FERRY3: variants seen among roughly 807,000 people sequenced by gnomAD.
The protein encoded by FERRY3 is protein C12orf4.
the FERRY3 span, among the ~76,000 whole-genome samples, chr12:4,523,583 G>T: frequency 1.3e-5 from 2 of 152,158 alleles, no homozygotes; most frequent in African/African-American, 2.4e-5. Flanking sequence ...TGATAGACTG[G>T]ATTAAGAAAA....
the FERRY3 span, among the ~76,000 whole-genome samples, chr12:4,504,960 C>G: frequency 6.6e-6 from 1 of 152,104 alleles, no homozygotes; most frequent in Non-Finnish European, 1.5e-5. Flanking sequence ...AAAAAAGTAG[C>G]CGGGTACGGT....
the FERRY3 span, among the ~76,000 whole-genome samples, chr12:4,505,829 G>A: frequency 0.019 from 2,890 of 152,232 alleles, 29 homozygotes; most frequent in Non-Finnish European, 0.026. Context: ...TTTATTTTTA[G>A]AATCTGAGTC....
the FERRY3 span, chr12:4,524,956 C>T: frequency 1.4e-5 from 3 of 210,482 alleles, no homozygotes; most frequent in Non-Finnish European, 1.9e-5. Context: ...GGCATTCAAC[C>T]AATGTTTACT....
chr12:4,531,138 C>G, the FERRY3 span, among the ~76,000 whole-genome samples: 1 of 152,188 alleles, frequency 6.6e-6, no homozygotes, highest in African/African-American at 2.4e-5. Context: ...AATTTGTTCT[C>G]TTTCACTTCA....
chr12:4,504,001 T>C, the FERRY3 span, among the ~76,000 whole-genome samples: 2 of 152,206 alleles, frequency 1.3e-5, no homozygotes, highest in Admixed American at 1.3e-4. Flanking sequence ...AAGGTATTTT[T>C]AGATGAAGAG....
chr12:4,530,275 G>A, the FERRY3 span, among the ~76,000 whole-genome samples: 5 of 152,136 alleles, frequency 3.3e-5, no homozygotes, highest in African/African-American at 7.2e-5. Flanking sequence ...TAAGTTACCC[G>A]GAAGCAGAAA....
chr12:4,510,773 A>G, the FERRY3 span, among the ~76,000 whole-genome samples: 16 of 146,238 alleles, frequency 1.1e-4, no homozygotes, highest in South Asian at 8.7e-4. Flanking sequence ...AACAACCGGT[A>G]CCAGCCGCTG....
chr12:4,493,430 C>G, the FERRY3 span, among the ~76,000 whole-genome samples: 1 of 152,188 alleles, frequency 6.6e-6, no homozygotes, highest in Non-Finnish European at 1.5e-5. Flanking sequence ...GTGACTTTCT[C>G]TGTAGCCAGA....
At chr12:4,510,153 A>T in the FERRY3 span, among the ~76,000 whole-genome samples, 1 of 139,038 alleles carries the variant, frequency 7.2e-6, no homozygotes, top group East Asian at 2.0e-4. Flanking sequence ...CAGCAATGGA[A>T]GATGAAATGA....
the FERRY3 span, among the ~76,000 whole-genome samples, chr12:4,505,138 T>G: frequency 2.0e-5 from 3 of 152,276 alleles, no homozygotes; most frequent in East Asian, 5.8e-4. Flanking sequence ...AGTTTAACAC[T>G]GGAAAACGTC....
chr12:4,502,681 AG>A, the FERRY3 span, among the ~76,000 whole-genome samples: 1 of 152,354 alleles, frequency 6.6e-6, no homozygotes, highest in African/African-American at 2.4e-5. The surrounding 1 kb of genome is among the most constrained non-coding windows in gnomAD (Gnocchi z 4.2). Context: ...ATAAACATAC[AG>A]TATACTTAAA....
chr12:4,499,205 A>G, the FERRY3 span, among the ~76,000 whole-genome samples: 7,650 of 152,250 alleles, frequency 0.05, 634 homozygotes, highest in African/African-American at 0.17. Context: ...TAAGAGATAC[A>G]GTTTCACCAT....
At chr12:4,500,422 G>A in the FERRY3 span, 1 of 1,253,440 alleles carries the variant, frequency 8.0e-7, no homozygotes, top group African/African-American at 1.5e-5. Context: ...TAAGTGTAAT[G>A]GGCAATCAAT....
chr12:4,509,820 A>C, the FERRY3 span, among the ~76,000 whole-genome samples: 21 of 138,176 alleles, frequency 1.5e-4, 2 homozygotes, highest in Admixed American at 1.2e-3. Context: ...GAAAAACTGG[A>C]AACTCTAAAA....
the FERRY3 span, among the ~76,000 whole-genome samples, chr12:4,501,993 C>T: frequency 6.6e-6 from 1 of 152,136 alleles, no homozygotes; most frequent in Non-Finnish European, 1.5e-5. Context: ...TTGTTTAGTT[C>T]TTCAAACATG....
chr12:4,527,215 G>C, the FERRY3 span, among the ~76,000 whole-genome samples: 1 of 152,074 alleles, frequency 6.6e-6, no homozygotes, highest in Middle Eastern at 3.4e-3. Context: ...CTAGAATCTG[G>C]TTTGCTTAAA....
chr12:4,521,435 C>A, the FERRY3 span, among the ~76,000 whole-genome samples: 1 of 151,762 alleles, frequency 6.6e-6, no homozygotes, highest in South Asian at 2.1e-4. Context: ...AACCCACTGT[C>A]GAGATAAAGC....
chr12:4,500,418 T>TAATG, the FERRY3 span: 55 of 1,272,830 alleles, frequency 4.3e-5, 1 homozygote, highest in Admixed American at 1.0e-3. Flanking sequence ...TAAGTAAGTG[T>TAATG]AATGGGCAAT....
chr12:4,525,482 A>C, the FERRY3 span: 1 of 1,610,408 alleles, frequency 6.2e-7, no homozygotes, highest in South Asian at 1.1e-5. Context: ...TATTTCACTT[A>C]CTTGCTGGGA....
Sources: allele counts gnomAD v4.1 joint callset (sites outside exome capture counted in the v4.1 genomes callset), GRCh38; gene constraint gnomAD v4.1.1; non-coding constraint Gnocchi (gnomAD v3.1); transcripts MANE v1.5; gene names NCBI Gene and HGNC (gene_info 2026-07-23, HGNC 2026-07-21).